The following NUDCD3 variants were observed in gnomAD, a reference collection of about 807,000 sequenced individuals.
NUDCD3 encodes nudC domain-containing protein 3.
In NUDCD3, 13 loss-of-function variants were observed where a neutral mutation model predicts 39.7. That is an observed-to-expected ratio of 0.33 (90% CI 0.21 to 0.52). The LOEUF (loss-of-function observed/expected upper bound fraction) is 0.52, where lower values mean the gene tolerates loss of function less well. NUDCD3 is among the 20% of genes least tolerant of loss of function. NUDCD3 has a pLI of 0.96. For synonymous variants in NUDCD3, 175 were observed against 172.4 expected (o/e 1.02, Z -0.12); for missense variants, 453 against 458.1 (o/e 0.99, Z 0.10).
At chr7:44,412,844 G>A (rs9791737) in intron 3 of NUDCD3, among the ~76,000 whole-genome samples, 5 of 150,132 alleles carry the variant, frequency 3.3e-5, no homozygotes, top group Non-Finnish European at 7.4e-5. Context: ...GGAGAATGGC[G>A]TGAACCCAGG....
intron 3 of NUDCD3, among the ~76,000 whole-genome samples, chr7:44,416,434 G>A (rs1799024373): frequency 6.6e-6 from 1 of 151,912 alleles, no homozygotes; most frequent in African/African-American, 2.4e-5. Flanking sequence ...GGAGGTTGCA[G>A]TGAGCCAAGA....
At chr7:44,394,198 G>C (rs1183612530) in intron 4 of NUDCD3, among the ~76,000 whole-genome samples, 2 of 152,166 alleles carry the variant, frequency 1.3e-5, no homozygotes, top group African/African-American at 4.8e-5. Context: ...AATCTTGTCT[G>C]ACATTCCGAA....
At chr7:44,390,168 C>G (rs564009195) in intron 5 of NUDCD3, among the ~76,000 whole-genome samples, 116 of 152,150 alleles carry the variant, frequency 7.6e-4, no homozygotes, top group Non-Finnish European at 1.3e-3. Context: ...AGTTCGAGAC[C>G]AGCCTGGCCA....
intron 3 of NUDCD3, among the ~76,000 whole-genome samples, chr7:44,421,623 T>C (rs1353275427): frequency 6.6e-6 from 1 of 151,828 alleles, no homozygotes; most frequent in Admixed American, 6.5e-5. Flanking sequence ...GAGCTAACTA[T>C]CCTAAATATA....
At chr7:44,479,445 G>GA (rs1354835638) in intron 2 of NUDCD3, among the ~76,000 whole-genome samples, 5 of 152,084 alleles carry the variant, frequency 3.3e-5, no homozygotes, top group Non-Finnish European at 7.4e-5. Flanking sequence ...AGTTCAGCCT[G>GA]AAAAACACAG....
intron 5 of NUDCD3, among the ~76,000 whole-genome samples, chr7:44,391,239 G>C (rs1798509138): frequency 1.3e-5 from 2 of 152,174 alleles, no homozygotes; most frequent in South Asian, 4.1e-4. Flanking sequence ...TGTGTACTAA[G>C]TGCTCAGGAC....
chr7:44,402,419 TAG>T (rs553644430), intron 4 of NUDCD3, among the ~76,000 whole-genome samples: 3 of 152,294 alleles, frequency 2.0e-5, no homozygotes, highest in South Asian at 2.1e-4. Context: ...ACGAAGAAGT[TAG>T]AGTTACTTCC....
intron 2 of NUDCD3, chr7:44,467,962 G>T (rs1161756303): frequency 6.2e-7 from 1 of 1,610,830 alleles, no homozygotes; most frequent in Non-Finnish European, 8.5e-7. Flanking sequence ...AGTTCATCCA[G>T]CACCAGTCAG....
At chr7:44,404,104 T>C (rs1251714325) in intron 4 of NUDCD3, among the ~76,000 whole-genome samples, 2 of 152,204 alleles carry the variant, frequency 1.3e-5, no homozygotes, top group East Asian at 3.8e-4. Context: ...AGTTGGTCAA[T>C]GAGCCTGATT....
At chr7:44,405,606 CATTTGGTAG>C (rs1585057666) in intron 3 of NUDCD3, among the ~76,000 whole-genome samples, 1 of 152,234 alleles carries the variant, frequency 6.6e-6, no homozygotes, top group East Asian at 1.9e-4. Flanking sequence ...CTCTCCATGT[CATTTGGTAG>C]ATGGCTCATT....
chr7:44,486,182 C>T (rs1800606322), intron 1 of NUDCD3, among the ~76,000 whole-genome samples: 1 of 152,190 alleles, frequency 6.6e-6, no homozygotes. Context: ...CTTGCAATAA[C>T]TGGAGGAAGG....
rs547641986 is a variant in NUDCD3 at position 44,429,122 on chromosome 7, C to CA, written c.510-1420_510-1419insT. Among the ~76,000 whole-genome samples the CA allele has an allele frequency of 1.0e-3, 157 of 152,270 alleles. 1 individual carries two copies. Among genetic ancestry groups the CA allele is most frequent in the African/African-American group, 3.4e-3 (141 of 41,544 alleles). On this transcript the variant is annotated intron_variant, in intron 2 of 5. Transcript: ENST00000355451. Reference sequence around the variant, plus strand: ...ACATATTTACCTACTGTGGGTATGCCCTGCACACTGTCTATGCATGAAGCT... The same window carrying CA: ...ACATATTTACCTACTGTGGGTATGCCACTGCACACTGTCTATGCATGAAGCT...
chr7:44,391,574 C>T (rs1416252154), intron 5 of NUDCD3, among the ~76,000 whole-genome samples: 1 of 152,094 alleles, frequency 6.6e-6, no homozygotes, highest in African/African-American at 2.4e-5. Context: ...AGCAGATGAC[C>T]CCTCCCCACT....
chr7:44,461,614 G>A (rs905942161), intron 2 of NUDCD3, among the ~76,000 whole-genome samples: 1 of 152,112 alleles, frequency 6.6e-6, no homozygotes, highest in Non-Finnish European at 1.5e-5. Flanking sequence ...CATTGAAAGT[G>A]AAGGAGCCTT....
rs1455914793 is a variant in NUDCD3 at position 44,381,739 on chromosome 7, T to G, written c.*4272A>C. The G allele has an allele frequency of 6.6e-6, 1 of 152,300 alleles. No homozygotes were observed. The highest frequency in any genetic ancestry group is 1.5e-5 in the Non-Finnish European group (1 of 68,118). The allele number at this position is 152,300 out of a possible 1,614,324, so 9.4% of individuals were successfully genotyped here. On this transcript the variant is annotated 3_prime_UTR_variant, in exon 6 of 6. Transcript: ENST00000355451. ...TGCCTGACAGGAGGCGGCATACACC[T>G]GAGCGCCTGACAGTACCCTCGTGAA...
intron 4 of NUDCD3, among the ~76,000 whole-genome samples, chr7:44,397,076 C>G (rs1053409279): frequency 6.6e-6 from 1 of 152,164 alleles, no homozygotes; most frequent in Non-Finnish European, 1.5e-5. Flanking sequence ...AACCCACATC[C>G]CAGCAGCCCC....
At chr7:44,387,929 A>C (rs980173725) in intron 5 of NUDCD3, among the ~76,000 whole-genome samples, 2 of 152,186 alleles carry the variant, frequency 1.3e-5, no homozygotes, top group Non-Finnish European at 2.9e-5. Flanking sequence ...GATCCTAGAC[A>C]CAGACACATC....
chr7:44,418,612 T>C (rs1799074611), intron 3 of NUDCD3, among the ~76,000 whole-genome samples: 1 of 152,250 alleles, frequency 6.6e-6, no homozygotes, highest in Non-Finnish European at 1.5e-5. Flanking sequence ...TGAAATAGAA[T>C]GAATGATATG....
At chr7:44,473,602 T>G (rs183320919) in intron 2 of NUDCD3, among the ~76,000 whole-genome samples, 13 of 152,280 alleles carry the variant, frequency 8.5e-5, no homozygotes, top group Admixed American at 3.3e-4. Context: ...CTATATATAG[T>G]AGGGAAAATA....
Sources: allele counts gnomAD v4.1 joint callset (sites outside exome capture counted in the v4.1 genomes callset), GRCh38; gene constraint gnomAD v4.1.1; transcripts MANE v1.5; gene names NCBI Gene and HGNC (gene_info 2026-07-23, HGNC 2026-07-21).